The following RNASE4 variants were observed in gnomAD, a reference collection of about 807,000 sequenced individuals.
The protein encoded by RNASE4 is ribonuclease 4.
For synonymous variants in RNASE4, 93 were observed against 71.4 expected (o/e 1.30, Z -1.52); for missense variants, 194 against 192.8 (o/e 1.01, Z -0.04).
chr14:20,684,970 C>T (rs1243747764), intron 1 of RNASE4, among the ~76,000 whole-genome samples: 1 of 152,150 alleles, frequency 6.6e-6, no homozygotes, highest in African/African-American at 2.4e-5. Context: ...TTACTTTGCG[C>T]AGCTGGGCAC....
chr14:20,693,669 C>T (rs776687942), intron 1 of RNASE4: 1 of 1,613,998 alleles, frequency 6.2e-7, no homozygotes, highest in Non-Finnish European at 8.5e-7. Context: ...ACTTCCTGAC[C>T]CAGCACTATG....
At chr14:20,692,890 A>C (rs190194733) in intron 1 of RNASE4, among the ~76,000 whole-genome samples, 3,069 of 151,972 alleles carry the variant, frequency 0.02, 92 homozygotes, top group African/African-American at 0.065. Context: ...CTCTGTCGCC[A>C]AGGCTGGAGT....
chr14:20,693,086 A>G (rs191644287), intron 1 of RNASE4, among the ~76,000 whole-genome samples: 1,720 of 152,010 alleles, frequency 0.011, 127 homozygotes, highest in Admixed American at 0.11. Flanking sequence ...TGACCTCGTG[A>G]TCCGCCCGCC....
At chr14:20,693,478 T>C (rs780203193) in intron 1 of RNASE4, 46 of 1,589,002 alleles carry the variant, frequency 2.9e-5, no homozygotes, top group Non-Finnish European at 2.8e-5. Flanking sequence ...AGAGCAAAGC[T>C]CCTGTCCTTT....
intron 1 of RNASE4, among the ~76,000 whole-genome samples, chr14:20,696,472 A>C (rs1370695670): frequency 6.6e-6 from 1 of 152,208 alleles, no homozygotes. Flanking sequence ...AGGAAAAAGA[A>C]GGAACACTCC....
At chr14:20,685,045 A>T (rs968567077) in intron 1 of RNASE4, among the ~76,000 whole-genome samples, 2 of 152,166 alleles carry the variant, frequency 1.3e-5, no homozygotes, top group Non-Finnish European at 2.9e-5. Context: ...ACCTAAGGGA[A>T]GCCCTAGGAG....
At chr14:20,686,527 C>T (rs996886436) in intron 1 of RNASE4, among the ~76,000 whole-genome samples, 2 of 152,202 alleles carry the variant, frequency 1.3e-5, no homozygotes, top group African/African-American at 4.8e-5. Flanking sequence ...TCTCTGTAAA[C>T]AGTTATTCCC....
intron 1 of RNASE4, among the ~76,000 whole-genome samples, chr14:20,685,938 G>T (rs1399111723): frequency 6.6e-6 from 1 of 151,950 alleles, no homozygotes; most frequent in Non-Finnish European, 1.5e-5. Context: ...TACTCGGGAG[G>T]CTGAGACAGG....
intron 1 of RNASE4, among the ~76,000 whole-genome samples, chr14:20,691,320 T>A (rs1021434837): frequency 2.6e-5 from 4 of 152,372 alleles, no homozygotes; most frequent in Non-Finnish European, 5.9e-5. Context: ...GGCAGACCTT[T>A]GACATTAGAA....
In RNASE4 at chr14:20,695,115, C is replaced by T. The variant is rs143622835; in HGVS notation, c.-17-4240C>T. Among the ~76,000 whole-genome samples the T allele has an allele frequency of 2.4e-3, 367 of 152,048 alleles. 3 individuals are homozygous for T. The highest frequency in any genetic ancestry group is 7.7e-3 in the East Asian group (40 of 5,166). On this transcript the variant is annotated intron_variant, in intron 1 of 1. Coordinates refer to ENST00000555835, the MANE Select transcript of RNASE4 (RefSeq NM_002937.5). ...GTTTTGGGGAAGTTATAGAAGATTC[C>T]GGCCAGGCGCTGTGGCTCACGCCTG...
chr14:20,695,755 T>C (rs1887072899), intron 1 of RNASE4, among the ~76,000 whole-genome samples: 1 of 152,226 alleles, frequency 6.6e-6, no homozygotes, highest in South Asian at 2.1e-4. Flanking sequence ...TATAGAACAT[T>C]GTCCAGGTAC....
Position 20,700,004 on chromosome 14 carries a change from G to A in RNASE4, c.*189G>A, listed in dbSNP as rs1887242851. 5.0e-6 allele frequency: 3 copies of A among 605,698 alleles called. No homozygotes were observed. Among genetic ancestry groups the A allele is most frequent in the African/African-American group, 1.9e-5 (1 of 53,820 alleles). 37.5% of individuals were successfully genotyped at this position (605,698 alleles called of 1,614,324 possible). On this transcript the variant is annotated 3_prime_UTR_variant, in exon 2 of 2. Coordinates refer to ENST00000555835, the MANE Select transcript of RNASE4 (RefSeq NM_002937.5). ...ATGGAGACATAAACCTGTAATGAAT[G>A]AGGCTGGGCTTTTCTGTAATAAGCT...
chr14:20,691,009 C>T (rs1178749983), intron 1 of RNASE4, among the ~76,000 whole-genome samples: 1 of 152,174 alleles, frequency 6.6e-6, no homozygotes, highest in Non-Finnish European at 1.5e-5. Context: ...GTGGCTTTTA[C>T]TTTGGCACTT....
At chr14:20,688,289 G>A (rs8008440) in intron 1 of RNASE4, among the ~76,000 whole-genome samples, 19,503 of 152,132 alleles carry the variant, frequency 0.13, 1,331 homozygotes, top group African/African-American at 0.17. Context: ...GTATGAAATC[G>A]ATGGAATAAC....
intron 1 of RNASE4, among the ~76,000 whole-genome samples, chr14:20,685,070 A>C (rs561298954): frequency 6.6e-6 from 1 of 152,330 alleles, no homozygotes; most frequent in South Asian, 2.1e-4. Flanking sequence ...GCACTTGCCC[A>C]CAACTAAGAA....
chr14:20,699,198 G>A, intron 1 of RNASE4, 157 bp from the exon 2 acceptor site: 2 of 616,892 alleles, frequency 3.2e-6, no homozygotes, highest in Non-Finnish European at 5.6e-6. Flanking sequence ...TGAGGAAGAA[G>A]GGTGGGAAAA....
In RNASE4 at chr14:20,699,523, G is replaced by A. The variant is rs768949635; in HGVS notation, c.152G>A (p.Arg51His). The change falls in exon 2 of 2, where the codon CGC (arginine) becomes CAC (histidine). Residue 51 changes from arginine to histidine, a missense_variant. Physicochemically the swap from Arg to His is conservative, Grantham distance 29. Transcript: ENST00000555835. ...VHPEETGGSDRYCNLMMQRRK... is the reference protein window; with the variant it reads ...VHPEETGGSDHYCNLMMQRRK... ...CCTGAGGAGACAGGTGGCAGTGATC[G>A]CTACTGCAACTTGATGATGCAAAGA... The A allele has an allele frequency of 5.6e-6, 9 of 1,614,048 alleles. No homozygotes were observed. The highest frequency in any genetic ancestry group is 4.5e-5 in the East Asian group (2 of 44,894).
chr14:20,694,249 TC>T (rs1886991786), intron 1 of RNASE4: 1 of 569,702 alleles, frequency 1.8e-6, no homozygotes, highest in Non-Finnish European at 3.2e-6. Context: ...ACTTGGCTGC[TC>T]CCTGAGAGGA....
chr14:20,689,776 C>T (rs1031990502), intron 1 of RNASE4, among the ~76,000 whole-genome samples: 2 of 151,852 alleles, frequency 1.3e-5, no homozygotes, highest in East Asian at 1.9e-4. Context: ...ATTAGCCAAG[C>T]GTGGTGGTGG....
Sources: gnomAD v4.1 joint callset for allele counts (sites outside exome capture counted in the v4.1 genomes callset) on GRCh38, gnomAD v4.1.1 for gene constraint, MANE v1.5 for transcripts, NCBI Gene and HGNC (gene_info 2026-07-23, HGNC 2026-07-21) for gene names.